Variants in LSS observed in about 807,000 individuals in gnomAD.
LSS encodes lanosterol synthase, also known as 2,3-epoxysqualene-lanosterol cyclase.
LSS carries 90 observed loss-of-function variants against 110.3 expected under a neutral mutation model. That is an observed-to-expected ratio of 0.82 (90% CI 0.69 to 0.97). The LOEUF (loss-of-function observed/expected upper bound fraction) is 0.97, where lower values mean the gene tolerates loss of function less well. Ranked by LOEUF, LSS falls within the 50% of genes least tolerant of loss-of-function variation. The pLI is 0.00. For missense variants in LSS, 927 were observed against 990.0 expected (o/e 0.94, Z 0.85); for synonymous variants, 433 against 400.0 (o/e 1.08, Z -0.98).
At chr21:46,202,446 ATATT>A (rs1005890354) in intron 17 of LSS, among the ~76,000 whole-genome samples, 8 of 151,806 alleles carry the variant, frequency 5.3e-5, no homozygotes, top group African/African-American at 1.7e-4. Flanking sequence ...TCACACTAAT[ATATT>A]TAACCATTTA....
chr21:46,202,755 T>C (rs1265086268), intron 17 of LSS, among the ~76,000 whole-genome samples: 1 of 152,128 alleles, frequency 6.6e-6, no homozygotes, highest in Non-Finnish European at 1.5e-5. Context: ...TATGCACCTG[T>C]AGTCCCAGCT....
At chr21:46,222,024 A>G (rs1193287625) in intron 4 of LSS, 49 bp from the exon 5 acceptor site, 2 of 1,599,544 alleles carry the variant, frequency 1.3e-6, no homozygotes, top group Non-Finnish European at 8.5e-7. Context: ...CCTTACTTCT[A>G]AGAAATAAAG....
At chr21:46,201,373 G>C (rs7276235) in intron 17 of LSS, among the ~76,000 whole-genome samples, 24 of 2,498 alleles carry the variant, frequency 9.6e-3, no homozygotes, top group Admixed American at 0.017. Context: ...ATGAAGCCCT[G>C]AGGGTAGAGC....
At chr21:46,215,980 G>C (rs2080202677) in intron 7 of LSS, among the ~76,000 whole-genome samples, 187 bp from the exon 8 acceptor site, 1 of 152,124 alleles carries the variant, frequency 6.6e-6, no homozygotes, top group South Asian at 2.1e-4. Context: ...GCTCTGAGGA[G>C]CTCCCCAGCT....
In LSS at chr21:46,190,933, A is replaced by T. The variant is rs1326426854; in HGVS notation, c.*171T>A. The T allele has an allele frequency of 2.8e-6, 2 of 715,148 alleles. No individual in the cohort carries two copies. Among genetic ancestry groups the T allele is most frequent in the African/African-American group, 3.6e-5 (2 of 55,390 alleles). The allele number at this position is 715,148 out of a possible 1,614,324, so 44.3% of individuals were successfully genotyped here. A position where few individuals can be genotyped will look rare whatever the true frequency, so the allele number is the denominator to read the frequency against. On this transcript the variant is annotated 3_prime_UTR_variant, in exon 22 of 22. Coordinates refer to ENST00000397728, the MANE Select transcript of LSS (RefSeq NM_002340.6). This position sits in a 1 kb window ranked among gnomAD's most constrained non-coding sequence, Gnocchi z 4.6. ...ACAGTAAAAATCAAGAGTCTAAGCC[A>T]CCCACCCTGTCCCCATCCCTGCCTC...
intron 20 of LSS, chr21:46,192,380 C>T: frequency 4.8e-6 from 2 of 419,920 alleles, no homozygotes; most frequent in South Asian, 3.6e-5. Flanking sequence ...CCCTGACTGT[C>T]CTGCCCTCAG....
rs765186789 is a variant in LSS, at chr21:46,221,993, A to G, written c.429-18T>C. On this transcript the variant is annotated intron_variant, in intron 4 of 21. Transcript: ENST00000397728. ...CAATGTGCCTACAGGAGCAGAGGAC[A>G]GGTGAGAAACCGGTATCTGTCCTTA... The G allele has an allele frequency of 1.2e-6, 2 of 1,613,930 alleles. No individual in the cohort carries two copies. The highest frequency in any genetic ancestry group is 8.5e-7 in the Non-Finnish European group (1 of 1,179,884).
chr21:46,218,894 T>C (rs2080239993), intron 6 of LSS, among the ~76,000 whole-genome samples: 1 of 151,868 alleles, frequency 6.6e-6, no homozygotes, highest in Non-Finnish European at 1.5e-5. Context: ...GCCCAGCTAA[T>C]TTTTGTATTT....
chr21:46,215,373 G>T, intron 8 of LSS, 75 bp from the exon 9 acceptor site: 2 of 1,019,298 alleles, frequency 2.0e-6, no homozygotes, highest in Non-Finnish European at 2.9e-6. Context: ...GCACTGCAAC[G>T]CCTGGACTTG....
At chr21:46,221,825 T>C (rs2080282682) in intron 5 of LSS, 29 bp downstream of exon 5, 1 of 1,613,490 alleles carries the variant, frequency 6.2e-7, no homozygotes, top group Non-Finnish European at 8.5e-7. Context: ...CACGAACCCC[T>C]GGCCCAGCAC....
intron 17 of LSS, among the ~76,000 whole-genome samples, chr21:46,197,688 G>A (rs913574048): frequency 2.6e-5 from 4 of 152,172 alleles, no homozygotes; most frequent in Non-Finnish European, 5.9e-5. Context: ...AGGAGATTGA[G>A]ACCACCCTGG....
chr21:46,191,247 CAG>C lies in LSS; in HGVS notation c.2068-14_2068-13del. Reference sequence around the variant, plus strand: ...CCAGCAATGTTTTCCTAAAAGAACACAGAGAAATAAACACAAAGGCTTCACCA... The same window carrying C: ...CCAGCAATGTTTTCCTAAAAGAACACAGAAATAAACACAAAGGCTTCACCA... On this transcript the variant is annotated splice_polypyrimidine_tract_variant and intron_variant, in intron 21 of 21. Transcript: ENST00000397728. The C allele has an allele frequency of 2.5e-6, 4 of 1,613,920 alleles. No homozygotes were observed. The highest frequency in any genetic ancestry group is 2.5e-6 in the Non-Finnish European group (3 of 1,179,942).
At chr21:46,219,882 C>G (rs2080253602) in intron 5 of LSS, among the ~76,000 whole-genome samples, 1 of 152,194 alleles carries the variant, frequency 6.6e-6, no homozygotes, top group African/African-American at 2.4e-5. Flanking sequence ...TGGGAAGGTC[C>G]AGGGACACCT....
At position 46,219,550 on chromosome 21, in the gene LSS, G is replaced by A. The variant is rs1416862441; in HGVS notation, c.573C>T (p.Ser191=). 6.2e-7 allele frequency: 1 copy of A among 1,600,964 alleles called. No individual in the cohort carries two copies. The highest frequency in any genetic ancestry group is 1.3e-5 in the African/African-American group (1 of 74,488). Residue 191 remains serine (S), a synonymous_variant, in exon 6 of 22, where the codon TCC becomes TCT. Coordinates refer to ENST00000397728, the MANE Select transcript of LSS (RefSeq NM_002340.6). ...HKKGGAVAIP[S]WGKFWLAVLN... ...GGACAGCCAGCCAGAACTTCCCCCA[G>A]GAGGGGATGGCCACAGCACCACCTG...
At chr21:46,194,051 T>G (rs1232419151) in intron 20 of LSS, among the ~76,000 whole-genome samples, 2 of 152,162 alleles carry the variant, frequency 1.3e-5, no homozygotes, top group Admixed American at 1.3e-4. Context: ...CACTGATGCC[T>G]GCCTGCATGC....
intron 20 of LSS, chr21:46,192,480 A>G (rs1259146101): frequency 2.2e-6 from 1 of 455,232 alleles, no homozygotes. Context: ...CACAAACCTA[A>G]TAGGGCAGCA....
chr21:46,209,369 G>A lies in LSS; in HGVS notation c.1266+185C>T, dbSNP rs1293784281. On this transcript the variant is annotated intron_variant, in intron 13 of 21. Coordinates refer to ENST00000397728, the MANE Select transcript of LSS (RefSeq NM_002340.6). This position sits in a 1 kb window ranked among gnomAD's most constrained non-coding sequence, Gnocchi z 4.4. ...GCCTCAGAGAGCTGCCCCAGGTGAG[G>A]CCAGCCCGAGGAGGACCGGTGGATG... Among the ~76,000 whole-genome samples, 1 of 146,336 alleles carries A rather than the reference G, an allele frequency of 6.8e-6. No individual in the cohort carries two copies. The highest frequency in any genetic ancestry group is 2.5e-5 in the African/African-American group (1 of 40,498).
At chr21:46,221,205 G>C (rs1480230631) in intron 5 of LSS, among the ~76,000 whole-genome samples, 1 of 151,810 alleles carries the variant, frequency 6.6e-6, no homozygotes. Context: ...CCCCGGGCTT[G>C]GAGAGGTAGA....
chr21:46,226,926 T>G (rs2080348059), intron 3 of LSS, among the ~76,000 whole-genome samples: 1 of 152,230 alleles, frequency 6.6e-6, no homozygotes, highest in African/African-American at 2.4e-5. Flanking sequence ...AACCTATTTA[T>G]GTAGGAATTC....
Sources: allele counts gnomAD v4.1 joint callset (sites outside exome capture counted in the v4.1 genomes callset), GRCh38; gene constraint gnomAD v4.1.1; non-coding constraint Gnocchi (gnomAD v3.1); transcripts MANE v1.5; gene names NCBI Gene and HGNC (gene_info 2026-07-23, HGNC 2026-07-21).